The following PARD3B variants were observed in gnomAD, a reference collection of about 807,000 sequenced individuals.
The protein encoded by PARD3B is par-3 family cell polarity regulator beta.
A neutral mutation model predicts 130.2 loss-of-function variants in PARD3B; 103 were observed. The observed-to-expected ratio is 0.79, with a 90% CI of 0.67 to 0.93. The LOEUF (loss-of-function observed/expected upper bound fraction) is 0.93. Ranked by LOEUF, PARD3B falls within the 40% of genes least tolerant of loss-of-function variation. The probability of loss-of-function intolerance (pLI) is 0.00; values close to 1 mark genes in which losing one functional copy is unlikely to be tolerated. For missense variants in PARD3B, 1,609 were observed against 1,499.2 expected (o/e 1.07, Z -1.21); for synonymous variants, 583 against 553.2 (o/e 1.05, Z -0.76).
chr2:204,883,483 C>G (rs1271244405), intron 2 of PARD3B, among the ~76,000 whole-genome samples: 1 of 99,344 alleles, frequency 1.0e-5, no homozygotes, highest in Non-Finnish European at 2.1e-5. Context: ...GAGTCTCACT[C>G]TGTCTCTGAG....
chr2:205,066,240 C>T (rs919908767), intron 4 of PARD3B, among the ~76,000 whole-genome samples: 2 of 152,118 alleles, frequency 1.3e-5, no homozygotes, highest in African/African-American at 4.8e-5. Context: ...AACAACCCAC[C>T]CTTTTAGCAT....
At chr2:204,616,693 A>C (rs555941147) in intron 1 of PARD3B, among the ~76,000 whole-genome samples, 7 of 152,206 alleles carry the variant, frequency 4.6e-5, no homozygotes, top group Admixed American at 4.6e-4. Context: ...TTTACTCATA[A>C]TGGCCAAAAC....
chr2:205,055,457 C>T (rs1228650517), intron 4 of PARD3B, among the ~76,000 whole-genome samples: 1 of 152,254 alleles, frequency 6.6e-6, no homozygotes, highest in Middle Eastern at 3.4e-3. Context: ...ACAATATGGG[C>T]AGATGTAATT....
intron 22 of PARD3B, among the ~76,000 whole-genome samples, chr2:205,569,635 T>A (rs1173805903): frequency 7.2e-5 from 11 of 152,186 alleles, no homozygotes; most frequent in Admixed American, 7.2e-4. Context: ...GTGGAAGATG[T>A]CTGTGTAGTT....
At chr2:205,107,378 C>A (rs1031950108) in intron 5 of PARD3B, among the ~76,000 whole-genome samples, 11 of 152,150 alleles carry the variant, frequency 7.2e-5, no homozygotes, top group African/African-American at 2.7e-4. Flanking sequence ...TACATTACTT[C>A]TTTAATATGT....
chr2:204,629,747 T>C (rs1372027643), intron 1 of PARD3B, among the ~76,000 whole-genome samples: 3 of 152,200 alleles, frequency 2.0e-5, no homozygotes, highest in Non-Finnish European at 4.4e-5. Flanking sequence ...TTATGCATAG[T>C]AGTATGTTTC....
chr2:205,446,226 A>G lies in PARD3B; in HGVS notation c.3044+5554A>G, dbSNP rs890215063. Among the ~76,000 whole-genome samples the G allele has an allele frequency of 2.0e-5, 3 of 152,030 alleles. No individual in the cohort carries two copies. Among genetic ancestry groups the G allele is most frequent in the African/African-American group, 7.3e-5 (3 of 41,378 alleles). On this transcript the variant is annotated intron_variant, in intron 20 of 22. Coordinates refer to ENST00000406610, the MANE Select transcript of PARD3B (RefSeq NM_001302769.2). This position sits in a 1 kb window ranked among gnomAD's most constrained non-coding sequence, Gnocchi z 4.4. The stretch of plus-strand genomic sequence containing the variant: ...AGAGCTGACCAAAGGCAGATGAGAG[A>G]GGTTGGCCGGCCTTGACGAAGAGTT...
chr2:204,718,849 AC>A (rs1460332697), intron 2 of PARD3B, among the ~76,000 whole-genome samples: 1 of 152,200 alleles, frequency 6.6e-6, no homozygotes, highest in Non-Finnish European at 1.5e-5. Context: ...CAGTCACATG[AC>A]ATGTAACCCT....
At chr2:204,739,494 G>A (rs2039904097) in intron 2 of PARD3B, among the ~76,000 whole-genome samples, 1 of 151,982 alleles carries the variant, frequency 6.6e-6, no homozygotes, top group Non-Finnish European at 1.5e-5. Context: ...TTGCTCTGTT[G>A]CCTAGGCTGG....
chr2:205,444,302 T>A (rs2047830350), intron 20 of PARD3B, among the ~76,000 whole-genome samples: 1 of 152,034 alleles, frequency 6.6e-6, no homozygotes, highest in Admixed American at 6.6e-5. Context: ...GTTTTTTTTT[T>A]AACTATCCAG....
chr2:205,284,086 G>A (rs1042743917), intron 16 of PARD3B, among the ~76,000 whole-genome samples: 6 of 152,190 alleles, frequency 3.9e-5, no homozygotes, highest in East Asian at 3.9e-4. Flanking sequence ...TGACATTAAC[G>A]TTTGAAAAGA....
chr2:204,700,631 C>A (rs143503598), intron 2 of PARD3B, among the ~76,000 whole-genome samples: 1 of 152,030 alleles, frequency 6.6e-6, no homozygotes, highest in Non-Finnish European at 1.5e-5. Flanking sequence ...AACCTGAAAT[C>A]TGCTTTGTAC....
chr2:205,569,634 G>A (rs1050950863), intron 22 of PARD3B, among the ~76,000 whole-genome samples: 5 of 152,190 alleles, frequency 3.3e-5, no homozygotes, highest in Non-Finnish European at 7.4e-5. Context: ...TGTGGAAGAT[G>A]TCTGTGTAGT....
chr2:204,881,777 A>T (rs150371293), intron 2 of PARD3B, among the ~76,000 whole-genome samples: 2 of 152,318 alleles, frequency 1.3e-5, no homozygotes, highest in Middle Eastern at 3.4e-3. Context: ...TTTGCAACCC[A>T]GAGTCAGGAG....
At chr2:205,045,649 T>G (rs1309398519) in intron 3 of PARD3B, among the ~76,000 whole-genome samples, 4 of 152,114 alleles carry the variant, frequency 2.6e-5, no homozygotes, top group Non-Finnish European at 5.9e-5. Context: ...CATGTGTCTT[T>G]AAATTTGAAG....
intron 2 of PARD3B, among the ~76,000 whole-genome samples, chr2:204,927,872 A>G (rs774083743): frequency 8.5e-5 from 13 of 152,150 alleles, no homozygotes; most frequent in Non-Finnish European, 1.8e-4. Context: ...AGATAGATAG[A>G]TAGAGATTGA....
intron 2 of PARD3B, among the ~76,000 whole-genome samples, chr2:204,713,026 T>C (rs2038532783): frequency 6.6e-6 from 1 of 152,328 alleles, no homozygotes; most frequent in East Asian, 1.9e-4. Flanking sequence ...GTTTGGCTTA[T>C]TAATTTCACT....
At chr2:205,177,313 ACTT>A (rs2035529302) in intron 13 of PARD3B, among the ~76,000 whole-genome samples, 1 of 152,212 alleles carries the variant, frequency 6.6e-6, no homozygotes, top group Non-Finnish European at 1.5e-5. Context: ...TTTTACTTAT[ACTT>A]CTATCAAAGA....
intron 2 of PARD3B, among the ~76,000 whole-genome samples, chr2:204,706,818 C>T (rs1436730888): frequency 1.3e-5 from 2 of 151,930 alleles, no homozygotes; most frequent in Non-Finnish European, 2.9e-5. Context: ...TTGGCAGTAC[C>T]CTGTAATCAT....
Sources: gnomAD v4.1 joint callset for allele counts (sites outside exome capture counted in the v4.1 genomes callset) on GRCh38, gnomAD v4.1.1 for gene constraint, Gnocchi (gnomAD v3.1) non-coding constraint, MANE v1.5 for transcripts, NCBI Gene and HGNC (gene_info 2026-07-23, HGNC 2026-07-21) for gene names.